ATM: variants seen among roughly 807,000 people sequenced by gnomAD.
ATM encodes serine-protein kinase ATM.
A neutral mutation model predicts 387.0 loss-of-function variants in ATM; 308 were observed. The ratio of observed to expected loss-of-function variants is 0.80; its 90% confidence interval spans 0.73 to 0.87. The LOEUF (loss-of-function observed/expected upper bound fraction) is 0.87. Ranked by LOEUF, ATM falls within the 40% of genes least tolerant of loss-of-function variation. The probability of loss-of-function intolerance (pLI) is 0.00; values close to 1 mark genes in which losing one functional copy is unlikely to be tolerated. For synonymous variants in ATM, 1,156 were observed against 1,187.3 expected, an observed-to-expected ratio of 0.97 and a Z score of 0.54; for missense variants, 3,312 against 3,560.9, an observed-to-expected ratio of 0.93 and a Z score of 1.78.
chr11:108,335,940 ATTAACTATCTGTACTTATAAG>A lies in ATM; in HGVS notation c.8248_8268del (p.Leu2750_Lys2756del), dbSNP rs771146489. ...GAAACACGGAAACTAGGAAGAGGAAATTAACTATCTGTACTTATAAGGTAACTATTTGTACTTCTGTTAGTT... is the reference window on the plus strand; with the variant it reads ...GAAACACGGAAACTAGGAAGAGGAAAGTAACTATTTGTACTTCTGTTAGTT... On this transcript the variant is annotated inframe_deletion and splice_region_variant, in exon 56 of 63. Transcript: ENST00000675843. 1 of 1,611,862 alleles carries A rather than the reference ATTAACTATCTGTACTTATAAG, an allele frequency of 6.2e-7. No homozygotes were observed.
At chr11:108,294,901 A>G in intron 31 of ATM, 26 bp from the exon 32 acceptor site, 1 of 1,612,944 alleles carries the variant, frequency 6.2e-7, no homozygotes, top group South Asian at 1.1e-5. Flanking sequence ...ATACGTGTTA[A>G]AAGCAAGTTA....
rs2086676230 is a variant in ATM at position 108,335,012 on chromosome 11, C to T, written c.8054C>T (p.Ser2685Leu). 1 of 1,613,760 alleles carries T rather than the reference C, an allele frequency of 6.2e-7. No homozygotes were observed. The highest frequency in any genetic ancestry group is 8.5e-7 in the Non-Finnish European group (1 of 1,179,718). Reference protein sequence around the residue: ...GEYGNLVTIQSFKAEFRLAGG... With the variant: ...GEYGNLVTIQLFKAEFRLAGG... Reference sequence around the variant, plus strand: ...TATGGAAATCTGGTGACTATACAGTCATTTAAAGCAGAATTTCGCTTAGCA... The same window carrying T: ...TATGGAAATCTGGTGACTATACAGTTATTTAAAGCAGAATTTCGCTTAGCA... The change falls in exon 55 of 63, where the codon TCA becomes TTA. Residue 2685 changes from serine (S) to leucine (L), a missense_variant. Physicochemically the swap from Ser to Leu is moderately radical, Grantham distance 145. Around this residue, in one of 4 missense-constraint regions of ATM, gnomAD observed 1,405 missense variants for 1,604.4 expected, o/e 0.88. Transcript: ENST00000675843.
intron 56 of ATM, among the ~76,000 whole-genome samples, chr11:108,341,569 A>G (rs1370353346): frequency 2.0e-5 from 3 of 152,190 alleles, no homozygotes; most frequent in African/African-American, 7.2e-5. Context: ...TCCTTAAGAC[A>G]CAAAACAGTT....
chr11:108,287,041 T>C (rs1171193102), intron 26 of ATM: 1 of 152,350 alleles, frequency 6.6e-6, no homozygotes, highest in Non-Finnish European at 1.5e-5. Flanking sequence ...TCCAAATCTG[T>C]TGGGGAGGGT....
intron 59 of ATM, 149 bp from the exon 60 acceptor site, chr11:108,353,617 G>A: frequency 1.5e-6 from 1 of 657,724 alleles, no homozygotes; most frequent in Non-Finnish European, 2.7e-6. Flanking sequence ...GAGGAAGGCA[G>A]CCAGAGCAGA....
Position 108,252,027 on chromosome 11 carries a change from CA to C in ATM, c.1799del (p.His600ProfsTer14). 6.2e-7 allele frequency: 1 copy of C among 1,611,444 alleles called. No homozygotes were observed. Among genetic ancestry groups the C allele is most frequent in the Non-Finnish European group, 8.5e-7 (1 of 1,179,314 alleles). The part of the protein sequence containing the change: ...ENSTEVPPIL[H>X]SNFPHLVLEK... ...TAGCACAGAAGTGCCTCCAATTCTT[CA>C]CAGGTAATTTAAGTTCATTAGCATG... On this transcript the variant is annotated frameshift_variant, in exon 11 of 63. Transcript: ENST00000675843. LOFTEE classifies it high-confidence loss of function.
intron 26 of ATM, among the ~76,000 whole-genome samples, chr11:108,285,492 A>T (rs971753631): frequency 6.6e-6 from 1 of 152,148 alleles, no homozygotes; most frequent in Non-Finnish European, 1.5e-5. Flanking sequence ...ATACATACAA[A>T]TTTTTTAAGA....
At chr11:108,341,438 A>G (rs552884812) in intron 56 of ATM, among the ~76,000 whole-genome samples, 1 of 152,266 alleles carries the variant, frequency 6.6e-6, no homozygotes, top group South Asian at 2.1e-4. Flanking sequence ...CACCAGAATG[A>G]AACTTTATGA....
chr11:108,289,847 G>A, intron 29 of ATM, 46 bp downstream of exon 29: 1 of 1,552,706 alleles, frequency 6.4e-7, no homozygotes, highest in Non-Finnish European at 8.8e-7. Flanking sequence ...TTTCTATCCT[G>A]TTCTTCCTGT....
chr11:108,361,418 G>A (rs1349995597), intron 61 of ATM, among the ~76,000 whole-genome samples: 4 of 151,788 alleles, frequency 2.6e-5, no homozygotes, highest in Admixed American at 6.6e-5. Flanking sequence ...AGCTACCAAT[G>A]ACTTTCTTTA....
rs75154730 is a variant in ATM, at chr11:108,339,450, C to T, written c.8268+3489C>T. On this transcript the variant is annotated intron_variant, in intron 56 of 62. Transcript: ENST00000675843. ...ACATTCACTGAATATAATGAATTAACTTCATTTCTGTGTATCTAGGATGAT... is the reference window on the plus strand; with the variant it reads ...ACATTCACTGAATATAATGAATTAATTTCATTTCTGTGTATCTAGGATGAT... Among the ~76,000 whole-genome samples, 1,384 of 152,100 alleles carry T rather than the reference C, an allele frequency of 9.1e-3. 23 individuals are homozygous for T. Among genetic ancestry groups the T allele is most frequent in the African/African-American group, 0.031 (1,285 of 41,488 alleles).
chr11:108,342,982 C>G (rs1427257501), intron 56 of ATM, among the ~76,000 whole-genome samples: 1 of 152,092 alleles, frequency 6.6e-6, no homozygotes, highest in Non-Finnish European at 1.5e-5. Flanking sequence ...CTCAGAGAAT[C>G]GTGGGGATTG....
chr11:108,319,898 T>C (rs935235602), intron 43 of ATM, 56 bp from the exon 44 acceptor site: 76 of 1,242,726 alleles, frequency 6.1e-5, no homozygotes, highest in Non-Finnish European at 8.4e-5. Context: ...TATTTATACA[T>C]GTATATCTTA....
chr11:108,291,328 AT>A (rs2082784556), intron 29 of ATM, among the ~76,000 whole-genome samples: 1 of 152,220 alleles, frequency 6.6e-6, no homozygotes, highest in African/African-American at 2.4e-5. Flanking sequence ...TGAGATTTCT[AT>A]TTTTTAAGGT....
At chr11:108,299,922 A>G (rs753921990) in intron 34 of ATM, 37 bp downstream of exon 34, 1 of 1,556,644 alleles carries the variant, frequency 6.4e-7, no homozygotes, top group South Asian at 1.1e-5. Flanking sequence ...TAATCTCAAT[A>G]TGACATTCAT....
rs571236648 is a variant in ATM at position 108,256,457 on chromosome 11, T to G, written c.2250+117T>G. On this transcript the variant is annotated intron_variant, in intron 14 of 62. Coordinates refer to ENST00000675843, the MANE Select transcript of ATM (RefSeq NM_000051.4). The stretch of plus-strand genomic sequence containing the variant: ...TTTATGCAGGTTAACCCTTTCTCTT[T>G]TATTTATGTAATGTGAGAAGAAATT... 8.2e-5 allele frequency: 85 copies of G among 1,038,870 alleles called. No individual in the cohort carries two copies. The South Asian group carries it at 1.2e-3, about 15-fold the overall frequency. The allele number at this position is 1,038,870 out of a possible 1,614,324, so 64.4% of individuals were successfully genotyped here.
chr11:108,362,099 C>G (rs1306490672), intron 61 of ATM, among the ~76,000 whole-genome samples: 1 of 137,170 alleles, frequency 7.3e-6, no homozygotes, highest in Admixed American at 7.6e-5. Flanking sequence ...AACAAATTTA[C>G]AAGAAAAAAA....
At chr11:108,256,753 T>C (rs879239606) in intron 14 of ATM, among the ~76,000 whole-genome samples, 1 of 152,124 alleles carries the variant, frequency 6.6e-6, no homozygotes, top group Non-Finnish European at 1.5e-5. Context: ...CACTTATGAG[T>C]GAGAACATGC....
rs1201727064 is a variant in ATM, at chr11:108,259,175, A to G, written c.2466+100A>G. The G allele has an allele frequency of 6.1e-6, 6 of 989,442 alleles. No individual in the cohort carries two copies. The Admixed American group carries it at 1.2e-4, about 20-fold the overall frequency. The allele number at this position is 989,442 out of a possible 1,614,324, so 61.3% of individuals were successfully genotyped here. On this transcript the variant is annotated intron_variant, in intron 16 of 62. Coordinates refer to ENST00000675843, the MANE Select transcript of ATM (RefSeq NM_000051.4). ...AATAAGGATGCATCTCACAACATAT[A>G]GCTCTTAACATTTTTACAAATGTGG...
Sources: gnomAD v4.1 joint callset for allele counts (sites outside exome capture counted in the v4.1 genomes callset) on GRCh38, gnomAD v4.1.1 for gene constraint, gnomAD v4.1.1 regional missense constraint, MANE v1.5 for transcripts, NCBI Gene and HGNC (gene_info 2026-07-23, HGNC 2026-07-21) for gene names.